Variants in CYFIP2 observed in about 807,000 individuals in gnomAD.
The protein encoded by CYFIP2 is cytoplasmic FMR1 interacting protein 2, also known as cytoplasmic FMR1-interacting protein 2.
Under a neutral mutation model 158.7 loss-of-function variants are expected in CYFIP2, and 29 were observed. That is an observed-to-expected ratio of 0.18 (90% CI 0.14 to 0.25). CYFIP2 has a LOEUF of 0.25. Ranked by LOEUF, CYFIP2 falls within the 10% of genes least tolerant of loss-of-function variation. The pLI, the probability that CYFIP2 is intolerant of heterozygous loss-of-function variation, is 1.00. For missense variants in CYFIP2, 852 were observed against 1,639.5 expected, an observed-to-expected ratio of 0.52 and a Z score of 8.29; for synonymous variants, 585 against 617.6, an observed-to-expected ratio of 0.95 and a Z score of 0.78.
At chr5:157,350,824 T>C (rs1036575108) in intron 23 of CYFIP2, among the ~76,000 whole-genome samples, 21 of 152,246 alleles carry the variant, frequency 1.4e-4, no homozygotes, top group African/African-American at 4.8e-4. Flanking sequence ...TTTGTAGTTT[T>C]CCTTGTAGAG....
chr5:157,311,335 C>T lies in CYFIP2; in HGVS notation c.993-329C>T. 1 of 398,274 alleles carries T rather than the reference C, an allele frequency of 2.5e-6. No homozygotes were observed. The highest frequency in any genetic ancestry group is 2.1e-5 in the South Asian group (1 of 47,710). 24.7% of individuals were successfully genotyped at this position (398,274 alleles called of 1,614,324 possible). A position where few individuals can be genotyped will look rare whatever the true frequency, so the allele number is the denominator to read the frequency against. ...TTGCCCACCTTGCTTTTTCTGTGCT[C>T]AGATTCCATCCCTTTGTAGTCCTAG... On this transcript the variant is annotated intron_variant, in intron 10 of 30. Transcript: ENST00000620254. This position sits in a 1 kb window ranked among gnomAD's most constrained non-coding sequence, Gnocchi z 4.7.
rs78022966 is a variant in CYFIP2 at position 157,290,323 on chromosome 5, C to G, written c.207+3215C>G. On this transcript the variant is annotated intron_variant, in intron 3 of 30. Coordinates refer to ENST00000620254, the MANE Select transcript of CYFIP2 (RefSeq NM_001037333.3). Reference sequence around the variant, plus strand: ...CAGGCTCCAGGAGAAAGTCTGTTCCCTTGCCTTTTCCAGCTTCTAGAGGTG... The same window carrying G: ...CAGGCTCCAGGAGAAAGTCTGTTCCGTTGCCTTTTCCAGCTTCTAGAGGTG... Among the ~76,000 whole-genome samples, 1,029 of 152,298 alleles carry G rather than the reference C, an allele frequency of 6.8e-3. 7 individuals are homozygous for G. The highest frequency in any genetic ancestry group is 0.023 in the African/African-American group (972 of 41,548).
intron 26 of CYFIP2, among the ~76,000 whole-genome samples, chr5:157,367,313 T>C (rs896351253): frequency 3.3e-5 from 5 of 152,196 alleles, no homozygotes; most frequent in African/African-American, 7.2e-5. Flanking sequence ...GTACCCTTCA[T>C]TGTGGCAACC....
intron 26 of CYFIP2, among the ~76,000 whole-genome samples, chr5:157,371,545 T>C (rs527830928): frequency 6.6e-6 from 1 of 152,168 alleles, no homozygotes; most frequent in Admixed American, 6.5e-5. Context: ...TAGGATCATA[T>C]TGAATCTTTT....
intron 10 of CYFIP2, among the ~76,000 whole-genome samples, chr5:157,310,422 A>C (rs2113028102): frequency 6.6e-6 from 1 of 152,198 alleles, no homozygotes; most frequent in East Asian, 1.9e-4. Context: ...GCCTCTCCAC[A>C]CAGAGGGGAA....
chr5:157,352,673 C>T (rs945737030), intron 23 of CYFIP2, among the ~76,000 whole-genome samples: 3 of 152,202 alleles, frequency 2.0e-5, no homozygotes, highest in African/African-American at 7.2e-5. Context: ...CTTGCACTGC[C>T]TTACCTGGTT....
intron 8 of CYFIP2, 121 bp from the exon 9 acceptor site, chr5:157,307,636 GGTGT>G (rs144622623): frequency 1.7e-4 from 73 of 427,904 alleles, no homozygotes; most frequent in Middle Eastern, 9.6e-4. Flanking sequence ...GTCTCTACAG[GGTGT>G]GTGTGTGTGT....
intron 23 of CYFIP2, among the ~76,000 whole-genome samples, chr5:157,358,024 G>T (rs115423528): frequency 6.6e-6 from 1 of 152,124 alleles, no homozygotes. Flanking sequence ...TCTGTGAAAT[G>T]GGGCTAATAA....
intron 23 of CYFIP2, among the ~76,000 whole-genome samples, chr5:157,348,879 C>A (rs190219523): frequency 2.0e-5 from 3 of 152,064 alleles, no homozygotes; most frequent in Admixed American, 1.3e-4. Flanking sequence ...CATAAAAGCA[C>A]CCTGCCATTG....
chr5:157,334,209 T>C (rs1272689627), intron 21 of CYFIP2, among the ~76,000 whole-genome samples: 1 of 152,204 alleles, frequency 6.6e-6, no homozygotes, highest in Non-Finnish European at 1.5e-5. Context: ...TATATGAGGT[T>C]CCTACAGTAG....
At chr5:157,322,996 C>T (rs935305186) in intron 15 of CYFIP2, 19 of 1,535,842 alleles carry the variant, frequency 1.2e-5, no homozygotes, top group African/African-American at 8.2e-5. Context: ...CACACAGGGC[C>T]GAAGAGGCTG....
chr5:157,294,482 C>T (rs963707651), intron 3 of CYFIP2, among the ~76,000 whole-genome samples: 5 of 152,170 alleles, frequency 3.3e-5, no homozygotes, highest in South Asian at 2.1e-4. Context: ...CTGGGGGGCA[C>T]ATAGCTCTGC....
At chr5:157,371,197 G>A (rs1384331640) in intron 26 of CYFIP2, among the ~76,000 whole-genome samples, 2 of 152,100 alleles carry the variant, frequency 1.3e-5, no homozygotes, top group African/African-American at 2.4e-5. Context: ...ATCAGTATGC[G>A]GGAAACACAT....
At chr5:157,312,383 A>G (rs1478168177) in intron 11 of CYFIP2, among the ~76,000 whole-genome samples, 1 of 152,044 alleles carries the variant, frequency 6.6e-6, no homozygotes, top group African/African-American at 2.4e-5. Flanking sequence ...AAAAACCCAA[A>G]TAAGCGAAAG....
intron 1 of CYFIP2, among the ~76,000 whole-genome samples, chr5:157,277,966 A>G (rs995753707): frequency 4.6e-5 from 7 of 152,186 alleles, no homozygotes; most frequent in Non-Finnish European, 8.8e-5. Flanking sequence ...GGCAATTGCA[A>G]CACAGTGGGA....
At chr5:157,384,785 CA>C in intron 28 of CYFIP2, 1 of 301,970 alleles carries the variant, frequency 3.3e-6, no homozygotes, top group Non-Finnish European at 6.7e-6. Context: ...ACCAAAAACA[CA>C]AAAATTAGCC....
chr5:157,314,235 G>C, intron 11 of CYFIP2, 109 bp from the exon 12 acceptor site: 1 of 1,375,732 alleles, frequency 7.3e-7, no homozygotes, highest in Non-Finnish European at 9.7e-7. Flanking sequence ...TATCTGTCAA[G>C]GGGATGTAAT....
At chr5:157,324,158 G>T in intron 16 of CYFIP2, 84 bp downstream of exon 16, 3 of 1,462,916 alleles carry the variant, frequency 2.1e-6, no homozygotes, top group Non-Finnish European at 1.8e-6. Context: ...GCCAGGCATT[G>T]CAAAGGGACG....
chr5:157,333,181 C>T (rs1041179518), intron 20 of CYFIP2, 146 bp from the exon 21 acceptor site: 4 of 951,454 alleles, frequency 4.2e-6, no homozygotes, highest in Non-Finnish European at 4.8e-6. Flanking sequence ...AATGGACAGG[C>T]TGGTTGGAGT....
Sources: allele counts gnomAD v4.1 joint callset (sites outside exome capture counted in the v4.1 genomes callset), GRCh38; gene constraint gnomAD v4.1.1; non-coding constraint Gnocchi (gnomAD v3.1); transcripts MANE v1.5; gene names NCBI Gene and HGNC (gene_info 2026-07-23, HGNC 2026-07-21).